The following MARCHF1 variants were observed in gnomAD, a reference collection of about 807,000 sequenced individuals.
MARCHF1 encodes E3 ubiquitin-protein ligase MARCHF1.
MARCHF1 carries 40 observed loss-of-function variants against 54.2 expected under a neutral mutation model. The ratio of observed to expected loss-of-function variants is 0.74; its 90% confidence interval spans 0.57 to 0.96. The LOEUF (loss-of-function observed/expected upper bound fraction) is 0.96, where lower values mean the gene tolerates loss of function less well. MARCHF1 is among the 40% of genes least tolerant of loss of function. MARCHF1 has a pLI of 0.00. For missense variants in MARCHF1, 586 were observed against 656.5 expected (o/e 0.89, Z 1.17); for synonymous variants, 236 against 236.3 (o/e 1.00, Z 0.01).
intron 7 of MARCHF1, among the ~76,000 whole-genome samples, chr4:163,606,535 C>G (rs1741148682): frequency 1.3e-5 from 2 of 151,974 alleles, no homozygotes; most frequent in South Asian, 4.2e-4. Flanking sequence ...GCTTAGAAAA[C>G]CTTTTATCCT....
At chr4:163,922,488 A>G (rs910829245) in intron 3 of MARCHF1, among the ~76,000 whole-genome samples, 1 of 152,148 alleles carries the variant, frequency 6.6e-6, no homozygotes, top group Non-Finnish European at 1.5e-5. Context: ...CTCTACCAAA[A>G]TATCTCTGGC....
intron 1 of MARCHF1, among the ~76,000 whole-genome samples, chr4:164,321,904 A>G (rs1257703864): frequency 1.3e-5 from 2 of 152,118 alleles, no homozygotes; most frequent in African/African-American, 4.8e-5. Flanking sequence ...CTATGTGCCT[A>G]CTGACTGCTT....
chr4:163,812,386 C>T (rs1748416139), intron 4 of MARCHF1, among the ~76,000 whole-genome samples: 1 of 151,570 alleles, frequency 6.6e-6, no homozygotes, highest in African/African-American at 2.4e-5. Flanking sequence ...CTGGAGAAAC[C>T]CTGACTAATA....
At chr4:163,951,060 T>C (rs961639270) in intron 3 of MARCHF1, among the ~76,000 whole-genome samples, 6 of 152,112 alleles carry the variant, frequency 3.9e-5, no homozygotes, top group Non-Finnish European at 8.8e-5. Context: ...CACAAAAATA[T>C]CACTTCACTT....
chr4:163,932,791 C>G (rs149997476), intron 3 of MARCHF1: 5 of 598,834 alleles, frequency 8.3e-6, no homozygotes, highest in African/African-American at 7.4e-5. Flanking sequence ...GAGCTGAGAT[C>G]GATCGGCACC....
At chr4:164,205,253 A>G (rs1435498816) in intron 1 of MARCHF1, among the ~76,000 whole-genome samples, 2 of 152,206 alleles carry the variant, frequency 1.3e-5, no homozygotes, top group South Asian at 2.1e-4. Context: ...GAGAGCTTGT[A>G]TTTACTGAGC....
At chr4:163,684,240 T>C (rs1055925174) in intron 5 of MARCHF1, among the ~76,000 whole-genome samples, 3 of 152,132 alleles carry the variant, frequency 2.0e-5, no homozygotes, top group African/African-American at 4.8e-5. Flanking sequence ...CAATGTCCCA[T>C]TGTAGGAAGA....
At position 163,651,079 on chromosome 4, in the gene MARCHF1, T is replaced by C. The variant is rs569591758; in HGVS notation, c.163-37686A>G. On this transcript the variant is annotated intron_variant, in intron 5 of 9. Coordinates refer to ENST00000514618, the MANE Select transcript of MARCHF1 (RefSeq NM_001394959.1). ...AGAGTAAGAACTGAAGAAGTTTAGT[T>C]CCAAAATCAATGATGTAATCATCAC... Among the ~76,000 whole-genome samples the C allele has an allele frequency of 3.9e-5, 6 of 152,026 alleles. No homozygotes were observed. The South Asian group carries it at 1.2e-3, about 32-fold the overall frequency.
At chr4:163,835,575 T>G (rs1749158357) in intron 4 of MARCHF1, among the ~76,000 whole-genome samples, 1 of 152,226 alleles carries the variant, frequency 6.6e-6, no homozygotes, top group Non-Finnish European at 1.5e-5. Flanking sequence ...GTACCTCACT[T>G]TCATTTTCTG....
chr4:164,312,757 A>G (rs1223036383), intron 1 of MARCHF1, among the ~76,000 whole-genome samples: 1 of 152,224 alleles, frequency 6.6e-6, no homozygotes, highest in Non-Finnish European at 1.5e-5. Flanking sequence ...ATATATATAC[A>G]TATCAACAGA....
intron 3 of MARCHF1, among the ~76,000 whole-genome samples, chr4:163,908,173 C>T (rs1476400193): frequency 6.6e-6 from 1 of 152,148 alleles, no homozygotes; most frequent in Non-Finnish European, 1.5e-5. Context: ...TCTATCCACA[C>T]AAAAGATTTT....
chr4:163,970,393 T>C (rs1436983414), intron 3 of MARCHF1, among the ~76,000 whole-genome samples: 2 of 152,158 alleles, frequency 1.3e-5, no homozygotes, highest in East Asian at 3.9e-4. Context: ...GAGTCATCCA[T>C]TAACTCTTTC....
At chr4:163,806,426 T>A (rs1748225298) in intron 4 of MARCHF1, among the ~76,000 whole-genome samples, 1 of 152,222 alleles carries the variant, frequency 6.6e-6, no homozygotes, top group Non-Finnish European at 1.5e-5. Context: ...CAGCTTCTTT[T>A]CTTTTCTTGT....
intron 4 of MARCHF1, among the ~76,000 whole-genome samples, chr4:163,811,519 G>T (rs1007624530): frequency 6.6e-6 from 1 of 151,786 alleles, no homozygotes; most frequent in Non-Finnish European, 1.5e-5. Flanking sequence ...GAGAGAGAAG[G>T]AAGGAAGGAA....
chr4:163,897,723 G>A (rs1214792341), intron 3 of MARCHF1, among the ~76,000 whole-genome samples: 1 of 152,086 alleles, frequency 6.6e-6, no homozygotes, highest in African/African-American at 2.4e-5. Flanking sequence ...ATTAACTCAA[G>A]ATGGATTAAA....
chr4:164,291,228 A>G (rs2111366939), intron 1 of MARCHF1, among the ~76,000 whole-genome samples: 1 of 152,100 alleles, frequency 6.6e-6, no homozygotes, highest in Admixed American at 6.6e-5. Context: ...ATTTTTGATT[A>G]CTCAAACAAA....
intron 1 of MARCHF1, among the ~76,000 whole-genome samples, chr4:164,364,210 T>C (rs1730810537): frequency 6.6e-6 from 1 of 152,186 alleles, no homozygotes; most frequent in African/African-American, 2.4e-5. Flanking sequence ...TTGAAAACAA[T>C]ATGTTTGTGC....
chr4:163,621,039 T>C (rs1361236771), intron 5 of MARCHF1, among the ~76,000 whole-genome samples: 19 of 152,312 alleles, frequency 1.2e-4, no homozygotes, highest in Non-Finnish European at 7.3e-5. Context: ...CCACTTCCCC[T>C]TTCATTAAAT....
intron 8 of MARCHF1, among the ~76,000 whole-genome samples, chr4:163,560,202 C>G (rs1340061881): frequency 6.6e-6 from 1 of 152,014 alleles, no homozygotes; most frequent in African/African-American, 2.4e-5. Context: ...TGTTTCTGTT[C>G]TAGGTTTTAT....
Sources: allele counts gnomAD v4.1 joint callset (sites outside exome capture counted in the v4.1 genomes callset), GRCh38; gene constraint gnomAD v4.1.1; transcripts MANE v1.5; gene names NCBI Gene and HGNC (gene_info 2026-07-23, HGNC 2026-07-21).